The following MYH6 variants were observed in gnomAD, a reference collection of about 807,000 sequenced individuals.
The protein encoded by MYH6 is myosin-6.
A neutral mutation model predicts 223.2 loss-of-function variants in MYH6; 126 were observed. The ratio of observed to expected loss-of-function variants is 0.56; its 90% CI spans 0.49 to 0.65. The LOEUF (loss-of-function observed/expected upper bound fraction) is 0.65, where lower values mean the gene tolerates loss of function less well. MYH6 is among the 30% of genes least tolerant of loss of function. The probability of loss-of-function intolerance (pLI) is 0.00; values close to 1 mark genes in which losing one functional copy is unlikely to be tolerated. For missense variants in MYH6, 2,040 were observed against 2,536.4 expected (o/e 0.80, Z 4.20); for synonymous variants, 978 against 1,010.2 (o/e 0.97, Z 0.61).
rs1486056525 is a variant in MYH6, at chr14:23,384,464, C to T, written c.5543G>A (p.Arg1848His). The change falls in exon 36 of 39, where the codon CGC (arginine) becomes CAC (histidine). Residue 1848 changes from arginine (R) to histidine (H), a missense_variant. Physicochemically the swap from Arg to His is conservative, Grantham distance 29. Transcript: ENST00000405093. ...SVKGMRKSER[R>H]IKELTYQTEE... ...CACCTGGTAGGTGAGCTCCTTGATG[C>T]GCCGCTCGCTCTTCCTCATGCCCTT... 1.9e-5 allele frequency: 30 copies of T among 1,611,494 alleles called. No homozygotes were observed. Among genetic ancestry groups the T allele is most frequent in the Non-Finnish European group, 2.1e-5 (25 of 1,180,028 alleles).
At position 23,402,809 on chromosome 14, in the gene MYH6, G is replaced by A. The variant is rs767945761; in HGVS notation, c.899-9C>T. ...GGTGACCAGCAGCATGTCTGCACCA[G>A]GCAAGGGGTGAGGCAGGGGCAAGGG... is the stretch of plus-strand genomic sequence containing the variant. On this transcript the variant is annotated splice_polypyrimidine_tract_variant and intron_variant, in intron 10 of 38. Coordinates refer to ENST00000405093, the MANE Select transcript of MYH6 (RefSeq NM_002471.4). 39 of 1,612,548 alleles carry A rather than the reference G, an allele frequency of 2.4e-5. No homozygotes were observed. Among genetic ancestry groups the A allele is most frequent in the Non-Finnish European group, 2.8e-5 (33 of 1,179,370 alleles).
chr14:23,406,230 C>CA (rs1891782778), intron 3 of MYH6, among the ~76,000 whole-genome samples: 1 of 152,234 alleles, frequency 6.6e-6, no homozygotes, highest in Non-Finnish European at 1.5e-5. Flanking sequence ...CCACACTCCC[C>CA]ATCCATCACT....
rs567074053 is a variant in MYH6 at position 23,402,969 on chromosome 14, A to G, written c.899-169T>C. On this transcript the variant is annotated intron_variant, in intron 10 of 38. Transcript: ENST00000405093. The stretch of plus-strand genomic sequence containing the variant: ...GAAGAGAAGTCAGCAAGGACCAAGG[A>G]GTGAACCCAGAGGAAGTGAAAGGGT... Among the ~76,000 whole-genome samples, 5 of 151,700 alleles carry G rather than the reference A, an allele frequency of 3.3e-5. No individual in the cohort carries two copies. The South Asian group carries it at 8.3e-4, about 25-fold the overall frequency.
At chr14:23,404,417 C>T (rs1891711623) in intron 7 of MYH6, 29 bp from the exon 8 acceptor site, 1 of 1,611,122 alleles carries the variant, frequency 6.2e-7, no homozygotes, top group Non-Finnish European at 8.5e-7. Flanking sequence ...TGCATGGGTT[C>T]ATCCTCCATC....
Position 23,397,224 on chromosome 14 carries a change from T to A in MYH6, c.1996A>T (p.Thr666Ser). ...NLNKLMTNLR[T>S]THPHFVRCII... is the part of the protein sequence containing the mutation. ...CAACGCACAAAGTGAGGATGGGTGG[T>A]CCTCAGGTTGGTCATTAGCTTGTTG... Residue 666 changes from threonine to serine, a missense_variant, in exon 17 of 39, where the codon ACC becomes TCC. Coordinates refer to ENST00000405093, the MANE Select transcript of MYH6 (RefSeq NM_002471.4). 1 of 1,614,188 alleles carries A rather than the reference T, an allele frequency of 6.2e-7. No individual in the cohort carries two copies. Among genetic ancestry groups the A allele is most frequent in the Middle Eastern group, 1.6e-4 (1 of 6,062 alleles).
In MYH6 at chr14:23,404,692, C is replaced by T. The variant is rs1363903394; in HGVS notation, c.642+19G>A. 1 of 1,610,504 alleles carries T rather than the reference C, an allele frequency of 6.2e-7. No homozygotes were observed. The highest frequency in any genetic ancestry group is 2.2e-5 in the East Asian group (1 of 44,858). ...GCCCCCCAACCCCTGTTCTGCCGAG[C>T]CTGTGTCCCCCATGGCACCTTGTTC... On this transcript the variant is annotated intron_variant, in intron 7 of 38. Coordinates refer to ENST00000405093, the MANE Select transcript of MYH6 (RefSeq NM_002471.4).
chr14:23,386,153 G>A, intron 33 of MYH6, 22 bp from the exon 34 acceptor site: 1 of 1,614,158 alleles, frequency 6.2e-7, no homozygotes. Flanking sequence ...GAGAGTGGGT[G>A]TGAGCAGAAG....
In MYH6 at chr14:23,398,912, G is replaced by C; in HGVS notation, c.1707C>G (p.Asn569Lys). ...AGTGGGCTTCCTGCTTCCCCTTGAT[G>C]TTGCGTGGCTTCTGGAAATTGTTGG... is the stretch of plus-strand genomic sequence containing the variant. ...GKSNNFQKPR[N>K]IKGKQEAHFS... Residue 569 changes from asparagine to lysine, a missense_variant, in exon 15 of 39, where the codon AAC becomes AAG. By Grantham distance (94) the Asn-to-Lys change is moderately conservative (BLOSUM62 0). Transcript: ENST00000405093. The C allele has an allele frequency of 6.2e-7, 1 of 1,614,184 alleles. No homozygotes were observed. Among genetic ancestry groups the C allele is most frequent in the South Asian group, 1.1e-5 (1 of 91,082 alleles).
chr14:23,400,097 A>G lies in MYH6; in HGVS notation c.1581+159T>C, dbSNP rs1595061221. On this transcript the variant is annotated intron_variant, in intron 14 of 38. Coordinates refer to ENST00000405093, the MANE Select transcript of MYH6 (RefSeq NM_002471.4). ...CTGGGAAAGGAAGAGTGGGGGGATCATCCTGTTCATGCCCATGACTTCACA... is the reference window on the plus strand; with the variant it reads ...CTGGGAAAGGAAGAGTGGGGGGATCGTCCTGTTCATGCCCATGACTTCACA... 2.7e-6 allele frequency: 3 copies of G among 1,102,852 alleles called. No homozygotes were observed. The African/African-American group carries it at 4.7e-5, about 17-fold the overall frequency. 68.3% of individuals were successfully genotyped at this position (1,102,852 alleles called of 1,614,324 possible). A position where few individuals can be genotyped will look rare whatever the true frequency, so the allele number is the denominator to read the frequency against.
chr14:23,383,079 C>A, intron 37 of MYH6, 146 bp downstream of exon 37: 1 of 776,212 alleles, frequency 1.3e-6, no homozygotes, highest in East Asian at 2.7e-5. Flanking sequence ...CCTGACAGCT[C>A]TGAGCATACC....
rs760840516 is a variant in MYH6, at chr14:23,405,152, A to T, written c.503-25T>A. The T allele has an allele frequency of 1.2e-6, 2 of 1,613,998 alleles. No homozygotes were observed. The highest frequency in any genetic ancestry group is 1.7e-6 in the Non-Finnish European group (2 of 1,180,026). ...TCTGGAAGAAAAAAGAGGAGAAGCA[A>T]TGGGGTCAGGGCTGAGGATCTGGGT... On this transcript the variant is annotated intron_variant, in intron 5 of 38. Coordinates refer to ENST00000405093, the MANE Select transcript of MYH6 (RefSeq NM_002471.4). The surrounding 1 kb of genome is among the most constrained non-coding windows in gnomAD (Gnocchi z 4.7).
intron 15 of MYH6, among the ~76,000 whole-genome samples, chr14:23,397,956 T>TTCTTCTTCTTTTTCC: frequency 9.3e-6 from 1 of 106,956 alleles, no homozygotes; most frequent in Non-Finnish European, 1.9e-5. Flanking sequence ...CTTCTTCTTC[T>TTCTTCTTCTTTTTCC]TCTTCTTCTT....
intron 36 of MYH6, among the ~76,000 whole-genome samples, chr14:23,383,581 G>A (rs1352031157): frequency 6.6e-6 from 1 of 152,118 alleles, no homozygotes; most frequent in Admixed American, 6.5e-5. Context: ...GAACCTAATG[G>A]AATTCCCTAA....
intron 7 of MYH6, 146 bp downstream of exon 7, chr14:23,404,565 G>T: frequency 9.4e-7 from 1 of 1,061,780 alleles, no homozygotes. Flanking sequence ...CTCCTGTCAG[G>T]AAGGTCTTCC....
chr14:23,387,807 C>A lies in MYH6; in HGVS notation c.4476G>T (p.Glu1492Asp). 6.2e-7 allele frequency: 1 copy of A among 1,614,118 alleles called. No individual in the cohort carries two copies. Among genetic ancestry groups the A allele is most frequent in the Non-Finnish European group, 8.5e-7 (1 of 1,180,038 alleles). ...ELFKLKNAYE[E>D]SLEHLETFKR... ...TGAAGGTCTCTAGGTGCTCCAGGGA[C>A]TCCTCGTAGGCGTTCTTGAGCTTGA... Residue 1492 changes from glutamate to aspartate, a missense_variant, in exon 31 of 39, where the codon GAG becomes GAT. Around this residue, in one of 4 missense-constraint regions of MYH6, gnomAD observed 1,203 missense variants for 1,400.2 expected, o/e 0.86. Coordinates refer to ENST00000405093, the MANE Select transcript of MYH6 (RefSeq NM_002471.4).
rs1266983460 is a variant in MYH6, at chr14:23,390,247, T to A, written c.3542A>T (p.Glu1181Val). The A allele has an allele frequency of 1.6e-5, 26 of 1,583,478 alleles. No individual in the cohort carries two copies. The highest frequency in any genetic ancestry group is 2.2e-5 in the Non-Finnish European group (26 of 1,162,134). The change falls in exon 26 of 39, where the codon GAG becomes GTG. Residue 1181 changes from glutamate to valine, a missense_variant. Coordinates refer to ENST00000405093, the MANE Select transcript of MYH6 (RefSeq NM_002471.4). Reference sequence around the variant, plus strand: ...GGCCTCGTGCTGCAGCGTGGCCTCCTCCAGGTCCCGCCGCATCTTCTGGAA... The same window carrying A: ...GGCCTCGTGCTGCAGCGTGGCCTCCACCAGGTCCCGCCGCATCTTCTGGAA... ...AEFQKMRRDLEEATLQHEATA... is the reference protein window; with the variant it reads ...AEFQKMRRDLVEATLQHEATA...
Position 23,405,001 on chromosome 14 carries a change from G to C in MYH6, c.530+99C>G. On this transcript the variant is annotated intron_variant, in intron 6 of 38. Transcript: ENST00000405093. This position sits in a 1 kb window ranked among gnomAD's most constrained non-coding sequence, Gnocchi z 4.7. ...GAGAGCTCAGTGCCCCATGCTCCCT[G>C]CAATCCCAGCCTTAAACCTCTCCTC... 6.3e-7 allele frequency: 1 copy of C among 1,580,222 alleles called. No individual in the cohort carries two copies. The highest frequency in any genetic ancestry group is 8.7e-7 in the Non-Finnish European group (1 of 1,151,494).
chr14:23,383,339 G>GGGGAA lies in MYH6; in HGVS notation c.5566-20_5566-19insTTCCC. On this transcript the variant is annotated intron_variant, in intron 36 of 38. Transcript: ENST00000405093. ...CCTCTGTCTGGGGGTGGGAGGGTGG[G>GGGGAA]AGAAGCTGGTTTGGAGGGGGAGCAA... The GGGGAA allele has an allele frequency of 9.2e-6, 1 of 108,192 alleles. No individual in the cohort carries two copies. The highest frequency in any genetic ancestry group is 1.6e-4 in the Admixed American group (1 of 6,390). 6.7% of individuals were successfully genotyped at this position (108,192 alleles called of 1,614,324 possible).
Position 23,393,871 on chromosome 14 carries a change from T to C in MYH6, c.2723A>G (p.Asp908Gly), listed in dbSNP as rs1327143086. 5 of 1,614,182 alleles carry C rather than the reference T, an allele frequency of 3.1e-6. No individual in the cohort carries two copies. Among genetic ancestry groups the C allele is most frequent in the Non-Finnish European group, 4.2e-6 (5 of 1,180,032 alleles). ...CTGAATCTTGTTTTTGATCAGCTGG[T>C]CGCAGCGCTCCTCAGCATCATTGAG... is the stretch of plus-strand genomic sequence containing the variant. ...DNLNDAEERCDQLIKNKIQLE... is the reference protein window; with the variant it reads ...DNLNDAEERCGQLIKNKIQLE... Residue 908 changes from aspartate (D) to glycine (G), a missense_variant, in exon 22 of 39, where the codon GAC (aspartate) becomes GGC (glycine). Coordinates refer to ENST00000405093, the MANE Select transcript of MYH6 (RefSeq NM_002471.4).
Sources: gnomAD v4.1 joint callset for allele counts (sites outside exome capture counted in the v4.1 genomes callset) on GRCh38, gnomAD v4.1.1 for gene constraint, gnomAD v4.1.1 regional missense constraint, Gnocchi (gnomAD v3.1) non-coding constraint, MANE v1.5 for transcripts, NCBI Gene and HGNC (gene_info 2026-07-23, HGNC 2026-07-21) for gene names.